Variants in PSME4 observed in about 807,000 individuals in gnomAD.
The protein encoded by PSME4 is proteasome activator complex subunit 4.
In PSME4, 89 loss-of-function variants were observed where a neutral mutation model predicts 253.9. That is an observed-to-expected ratio of 0.35 (90% CI 0.30 to 0.42). PSME4 has a LOEUF of 0.42. Ranked by LOEUF, PSME4 falls within the 10% of genes least tolerant of loss-of-function variation. PSME4 has a pLI of 1.00. For synonymous variants in PSME4, 851 were observed against 759.2 expected (o/e 1.12, Z -1.99); for missense variants, 2,014 against 2,195.2 (o/e 0.92, Z 1.65).
intron 3 of PSME4, among the ~76,000 whole-genome samples, chr2:53,944,047 G>A (rs1669585987): frequency 6.6e-6 from 1 of 152,058 alleles, no homozygotes; most frequent in Admixed American, 6.6e-5. Flanking sequence ...TGATCAACTT[G>A]AACTAAGTAT....
At position 53,937,554 on chromosome 2, in the gene PSME4, A is replaced by G; in HGVS notation, c.546-14T>C. ...GCTGGAAAATATCTAATAAAAAAAG[A>G]AGGTTTTCATGTATCTGATTATTGG... On this transcript the variant is annotated splice_polypyrimidine_tract_variant and intron_variant, in intron 4 of 46. Coordinates refer to ENST00000404125, the MANE Select transcript of PSME4 (RefSeq NM_014614.3). The G allele has an allele frequency of 1.2e-6, 2 of 1,607,436 alleles. No homozygotes were observed. Among genetic ancestry groups the G allele is most frequent in the Non-Finnish European group, 1.7e-6 (2 of 1,177,744 alleles).
Position 53,925,539 on chromosome 2 carries a change from C to A in PSME4, c.1809G>T (p.Met603Ile). Residue 603 changes from methionine (M) to isoleucine (I), a missense_variant and splice_region_variant, in exon 14 of 47, where the codon ATG becomes ATT. This residue lies in a region of PSME4 where 989 missense variants were observed against 1,021.1 expected (regional missense o/e 0.97). Coordinates refer to ENST00000404125, the MANE Select transcript of PSME4 (RefSeq NM_014614.3). The stretch of plus-strand genomic sequence containing the variant: ...TTATTTTTTGCAGCAATGTTCTTAC[C>A]ATAAATATTTCTTTGGAACATTGGG... ...ILTQCSKEIF[M>I]VALQKVFNFS... The A allele has an allele frequency of 6.5e-7, 1 of 1,539,790 alleles. No individual in the cohort carries two copies. Among genetic ancestry groups the A allele is most frequent in the Non-Finnish European group, 8.8e-7 (1 of 1,132,266 alleles).
At chr2:53,901,288 A>T in intron 28 of PSME4, 62 bp downstream of exon 28, 1 of 1,415,062 alleles carries the variant, frequency 7.1e-7, no homozygotes, top group South Asian at 1.2e-5. Context: ...AAGAAAAATA[A>T]AGGGCATTTT....
chr2:53,922,701 CTT>C, intron 16 of PSME4, 117 bp from the exon 17 acceptor site: 3 of 1,221,510 alleles, frequency 2.5e-6, no homozygotes, highest in Non-Finnish European at 3.3e-6. Context: ...TTTAGGAAGA[CTT>C]TTTATTTCTT....
chr2:53,946,373 A>C (rs1438370274), intron 3 of PSME4, among the ~76,000 whole-genome samples: 2 of 152,190 alleles, frequency 1.3e-5, no homozygotes, highest in Non-Finnish European at 2.9e-5. Context: ...TGATCTGAAC[A>C]CAGTTCAAAG....
At chr2:53,967,677 A>AAAAAAC (rs1177807118) in intron 1 of PSME4, among the ~76,000 whole-genome samples, 1 of 148,918 alleles carries the variant, frequency 6.7e-6, no homozygotes, top group Non-Finnish European at 1.5e-5. Flanking sequence ...AAAAAAAAAA[A>AAAAAAC]AAGTCAAAAA....
intron 20 of PSME4, among the ~76,000 whole-genome samples, chr2:53,918,394 C>A (rs1057363862): frequency 2.0e-5 from 3 of 152,040 alleles, no homozygotes; most frequent in Admixed American, 6.6e-5. Flanking sequence ...CACTCTATTG[C>A]CCAGGCTAGA....
intron 41 of PSME4, among the ~76,000 whole-genome samples, chr2:53,882,828 G>T (rs1381608789): frequency 6.6e-6 from 1 of 151,840 alleles, no homozygotes; most frequent in African/African-American, 2.4e-5. Context: ...GTTCATAAAA[G>T]GGAAGCTGCA....
At chr2:53,869,265 C>A in intron 44 of PSME4, 111 bp downstream of exon 44, 1 of 1,109,752 alleles carries the variant, frequency 9.0e-7, no homozygotes, top group Admixed American at 2.4e-5. Flanking sequence ...TTCCCAATAC[C>A]TAGCATAGAC....
Position 53,875,757 on chromosome 2 carries a change from TAAAAAACAATGTAAAAAGGACAA to T in PSME4, c.4816-25_4816-3del. On this transcript the variant is annotated splice_polypyrimidine_tract_variant and splice_region_variant and intron_variant, in intron 41 of 46. Transcript: ENST00000404125. The stretch of plus-strand genomic sequence containing the variant: ...ATTGTCATTTTCCACTGGGGCAATC[TAAAAAACAATGTAAAAAGGACAA>T]AAATGGAAAAATAATTGCCAATAAG... 1 of 1,609,204 alleles carries T rather than the reference TAAAAAACAATGTAAAAAGGACAA, an allele frequency of 6.2e-7. No individual in the cohort carries two copies. The highest frequency in any genetic ancestry group is 2.2e-5 in the East Asian group (1 of 44,780).
chr2:53,917,350 T>A (rs1321454004), intron 20 of PSME4: 1 of 152,362 alleles, frequency 6.6e-6, no homozygotes, highest in Non-Finnish European at 1.5e-5. Context: ...ATATATTCTT[T>A]TCCTTATTAA....
At chr2:53,942,612 A>C (rs953976413) in intron 3 of PSME4, among the ~76,000 whole-genome samples, 1 of 152,108 alleles carries the variant, frequency 6.6e-6, no homozygotes, top group Admixed American at 6.6e-5. Flanking sequence ...ACCTCTCATA[A>C]AGCTGTTACA....
At chr2:53,966,810 CT>C (rs1670760442) in intron 1 of PSME4, among the ~76,000 whole-genome samples, 1 of 152,122 alleles carries the variant, frequency 6.6e-6, no homozygotes, top group Admixed American at 6.5e-5. Flanking sequence ...AGCGATTCTC[CT>C]GCCTCAGCCT....
chr2:53,944,731 C>G (rs1026178330), intron 3 of PSME4, among the ~76,000 whole-genome samples: 1 of 152,072 alleles, frequency 6.6e-6, no homozygotes, highest in African/African-American at 2.4e-5. Flanking sequence ...AAACCCCAAA[C>G]AGAGGTCTGG....
intron 22 of PSME4, 49 bp from the exon 23 acceptor site, chr2:53,908,614 T>C: frequency 1.9e-6 from 3 of 1,546,754 alleles, no homozygotes; most frequent in Non-Finnish European, 2.6e-6. Flanking sequence ...TTTGAACTAC[T>C]ATAAGAATCT....
At chr2:53,919,050 G>C (rs1668184333) in intron 20 of PSME4, 101 bp downstream of exon 20, 1 of 1,165,322 alleles carries the variant, frequency 8.6e-7, no homozygotes, top group Non-Finnish European at 1.2e-6. Flanking sequence ...AAAGGTTAAA[G>C]TGATACAGAA....
chr2:53,896,964 A>C, intron 31 of PSME4, 79 bp from the exon 32 acceptor site: 2 of 1,059,970 alleles, frequency 1.9e-6, no homozygotes, highest in Non-Finnish European at 2.9e-6. Flanking sequence ...TCAAAGCAGA[A>C]ATAGGATTCT....
At chr2:53,895,136 A>T (rs1199009741) in intron 33 of PSME4, 60 bp from the exon 34 acceptor site, 2 of 1,465,614 alleles carry the variant, frequency 1.4e-6, no homozygotes, top group Admixed American at 4.0e-5. Context: ...AGCTTCATGG[A>T]TAGAAAGCAT....
Position 53,869,431 on chromosome 2 carries a change from T to C in PSME4, c.5208A>G (p.Leu1736=), listed in dbSNP as rs201240137. ...IHFEQLCKTK[L]PKKRKRDPGS... ...CAGGGTCTCGCTTTCTTTTCTTAGG[T>C]AGTTTTGTTTTGCAAAGTTGCTCAA... Residue 1736 remains leucine, a synonymous_variant, in exon 44 of 47, where the codon CTA becomes CTG. Transcript: ENST00000404125. 9.3e-5 allele frequency: 149 copies of C among 1,610,480 alleles called. No homozygotes were observed. The highest frequency in any genetic ancestry group is 1.2e-4 in the Non-Finnish European group (139 of 1,177,628).
Sources: allele counts gnomAD v4.1 joint callset (sites outside exome capture counted in the v4.1 genomes callset), GRCh38; gene constraint gnomAD v4.1.1; regional missense constraint gnomAD v4.1.1; transcripts MANE v1.5; gene names NCBI Gene and HGNC (gene_info 2026-07-23, HGNC 2026-07-21).